PDE1A: variants seen among roughly 807,000 people sequenced by gnomAD.
PDE1A encodes the protein phosphodiesterase 1A.
PDE1A carries 35 observed loss-of-function variants against 61.7 expected under a neutral mutation model. That is an observed-to-expected ratio of 0.57 (90% CI 0.43 to 0.75). PDE1A has a LOEUF of 0.75. Ranked by LOEUF, PDE1A falls within the 30% of genes least tolerant of loss-of-function variation. The pLI is 0.00. For missense variants in PDE1A, 597 were observed against 630.6 expected, an observed-to-expected ratio of 0.95 and a Z score of 0.57; for synonymous variants, 232 against 213.2, an observed-to-expected ratio of 1.09 and a Z score of -0.77.
At chr2:182,590,653 A>T in the PDE1A span, among the ~76,000 whole-genome samples, 1 of 152,192 alleles carries the variant, frequency 6.6e-6, no homozygotes, top group Non-Finnish European at 1.5e-5. Flanking sequence ...TCATAAAATA[A>T]AAGCAATGAT....
intron 1 of PDE1A, among the ~76,000 whole-genome samples, chr2:182,344,725 C>T (rs1212239587): frequency 3.5e-5 from 2 of 57,498 alleles, no homozygotes; most frequent in Non-Finnish European, 8.9e-5. Context: ...TTTCCTTTCT[C>T]TCTGTCTCTC....
intron 1 of PDE1A, among the ~76,000 whole-genome samples, chr2:182,392,298 A>ACC (rs1316691348): frequency 3.3e-5 from 5 of 152,124 alleles, no homozygotes. Context: ...CAGGGGAACT[A>ACC]CCCTCTATAA....
intron 13 of PDE1A, among the ~76,000 whole-genome samples, chr2:182,184,143 G>A (rs1685016756): frequency 6.6e-6 from 1 of 151,930 alleles, no homozygotes; most frequent in Non-Finnish European, 1.5e-5. Flanking sequence ...CAGAAGGAGA[G>A]AACAGAGAGA....
At chr2:182,567,426 C>T in the PDE1A span, among the ~76,000 whole-genome samples, 1,519 of 152,286 alleles carry the variant, frequency 1.0e-2, 12 homozygotes, top group Middle Eastern at 0.034. Flanking sequence ...ATATACCTGG[C>T]TTTAAAACAA....
intron 2 of PDE1A, among the ~76,000 whole-genome samples, chr2:182,500,683 T>C (rs1689034233): frequency 6.6e-6 from 1 of 152,160 alleles, no homozygotes; most frequent in Non-Finnish European, 1.5e-5. Flanking sequence ...AACTCACATA[T>C]AATTATCCCC....
intron 1 of PDE1A, among the ~76,000 whole-genome samples, chr2:182,410,104 C>A (rs985672028): frequency 2.0e-5 from 3 of 152,174 alleles, no homozygotes; most frequent in Non-Finnish European, 4.4e-5. Flanking sequence ...GTAATCCCAG[C>A]ACTTTGGGAG....
chr2:182,473,338 G>T (rs1284112228), intron 2 of PDE1A, among the ~76,000 whole-genome samples: 1 of 151,768 alleles, frequency 6.6e-6, no homozygotes, highest in Admixed American at 6.6e-5. Flanking sequence ...AGAGTGAACA[G>T]GCAACCTACA....
At chr2:182,507,686 G>T (rs1055532913) in intron 2 of PDE1A, among the ~76,000 whole-genome samples, 1 of 152,244 alleles carries the variant, frequency 6.6e-6, no homozygotes, top group Middle Eastern at 3.4e-3. Context: ...ACAACAATAT[G>T]ATAGAATTTC....
intron 1 of PDE1A, among the ~76,000 whole-genome samples, chr2:182,280,649 C>A (rs1004427772): frequency 6.6e-6 from 1 of 151,784 alleles, no homozygotes; most frequent in Non-Finnish European, 1.5e-5. Flanking sequence ...TACCACTATT[C>A]CTTCTGTTTA....
At chr2:182,334,309 A>G (rs2124978499) in intron 1 of PDE1A, among the ~76,000 whole-genome samples, 1 of 147,456 alleles carries the variant, frequency 6.8e-6, no homozygotes, top group Admixed American at 6.8e-5. Context: ...CACACACACC[A>G]AAAAAAAAAG....
At chr2:182,155,518 T>C (rs928350295) in intron 13 of PDE1A, among the ~76,000 whole-genome samples, 3 of 152,218 alleles carry the variant, frequency 2.0e-5, no homozygotes, top group Admixed American at 2.0e-4. Flanking sequence ...GTATAATTCA[T>C]CTTTATAATG....
rs148795680 is a variant in PDE1A at position 182,509,431 on chromosome 2, T to C, written c.101+12845A>G. Among the ~76,000 whole-genome samples, 352 of 152,094 alleles carry C rather than the reference T, an allele frequency of 2.3e-3. 3 individuals are homozygous for C. The highest frequency in any genetic ancestry group is 8.0e-3 in the African/African-American group (330 of 41,472). The stretch of plus-strand genomic sequence containing the variant: ...ACAGATGGCAGGACTGTGGAAAAAA[T>C]CAAAACAAGAGAACAGCTTTTAATT... On this transcript the variant is annotated intron_variant, in intron 2 of 14. Transcript: ENST00000410103.
intron 13 of PDE1A, among the ~76,000 whole-genome samples, chr2:182,168,698 G>A (rs1435018012): frequency 1.3e-5 from 2 of 151,966 alleles, no homozygotes; most frequent in Admixed American, 6.6e-5. Flanking sequence ...GCAAATATTT[G>A]GATGTAGAAT....
At chr2:182,424,119 T>G (rs1703458675) in intron 1 of PDE1A, among the ~76,000 whole-genome samples, 1 of 151,974 alleles carries the variant, frequency 6.6e-6, no homozygotes. Flanking sequence ...TAATTTTTTG[T>G]ATTTTAGTAG....
chr2:182,397,838 T>C (rs1447949523), intron 1 of PDE1A, among the ~76,000 whole-genome samples: 2 of 152,112 alleles, frequency 1.3e-5, no homozygotes, highest in Non-Finnish European at 2.9e-5. Context: ...ATCTACCTGA[T>C]TGAATGAACG....
the PDE1A span, among the ~76,000 whole-genome samples, chr2:182,706,268 C>T: frequency 6.6e-6 from 1 of 152,176 alleles, no homozygotes; most frequent in Non-Finnish European, 1.5e-5. Context: ...AATTATTTAG[C>T]ATCTCCATTC....
At chr2:182,180,184 C>T (rs1316316837) in intron 13 of PDE1A, among the ~76,000 whole-genome samples, 2 of 152,042 alleles carry the variant, frequency 1.3e-5, no homozygotes, top group Non-Finnish European at 2.9e-5. Flanking sequence ...ATTTTAATAG[C>T]TTATCATTGT....
intron 1 of PDE1A, among the ~76,000 whole-genome samples, chr2:182,334,607 G>A (rs1052869547): frequency 2.0e-5 from 3 of 152,056 alleles, no homozygotes; most frequent in Non-Finnish European, 4.4e-5. Flanking sequence ...AATGAACTAG[G>A]TATTGATGGA....
chr2:182,222,990 T>C lies in PDE1A; in HGVS notation c.776+874A>G, dbSNP rs564196273. ...TCTCTGTTATGGACTGAATTGTGTCTGCCCTAAAATTCATGTGTTGAAGCC... is the reference window on the plus strand; with the variant it reads ...TCTCTGTTATGGACTGAATTGTGTCCGCCCTAAAATTCATGTGTTGAAGCC... On this transcript the variant is annotated intron_variant, in intron 7 of 13. Transcript: ENST00000351439. Among the ~76,000 whole-genome samples the C allele has an allele frequency of 6.6e-5, 10 of 152,148 alleles. No individual in the cohort carries two copies. The East Asian group carries it at 1.9e-3, about 29-fold the overall frequency.
Sources: gnomAD v4.1 joint callset for allele counts (sites outside exome capture counted in the v4.1 genomes callset) on GRCh38, gnomAD v4.1.1 for gene constraint, MANE v1.5 for transcripts, NCBI Gene and HGNC (gene_info 2026-07-23, HGNC 2026-07-21) for gene names.